Variants in FUT8 observed in about 807,000 individuals in gnomAD.
The protein encoded by FUT8 is fucosyltransferase 8.
A neutral mutation model predicts 71.3 loss-of-function variants in FUT8; 29 were observed. The ratio of observed to expected loss-of-function variants is 0.41; its 90% confidence interval spans 0.30 to 0.55. The LOEUF (loss-of-function observed/expected upper bound fraction) is 0.55, where lower values mean the gene tolerates loss of function less well. Ranked by LOEUF, FUT8 falls within the 20% of genes least tolerant of loss-of-function variation. The pLI is 0.34. For missense variants in FUT8, 544 were observed against 702.1 expected, an observed-to-expected ratio of 0.77 and a Z score of 2.55; for synonymous variants, 254 against 239.3, an observed-to-expected ratio of 1.06 and a Z score of -0.57.
At chr14:65,632,495 C>T (rs1334566775) in intron 6 of FUT8, among the ~76,000 whole-genome samples, 1 of 152,096 alleles carries the variant, frequency 6.6e-6, no homozygotes, top group African/African-American at 2.4e-5. Flanking sequence ...AGCATTTTTT[C>T]ATGTTTGTTG....
At chr14:65,515,471 T>A (rs1005842861) in intron 2 of FUT8, among the ~76,000 whole-genome samples, 4 of 151,960 alleles carry the variant, frequency 2.6e-5, no homozygotes, top group Admixed American at 6.6e-5. Context: ...TTTTTTTTTT[T>A]AATCTTAGGT....
At chr14:65,710,184 G>T (rs1894745621) in intron 7 of FUT8, among the ~76,000 whole-genome samples, 1 of 151,850 alleles carries the variant, frequency 6.6e-6, no homozygotes, top group Admixed American at 6.6e-5. Flanking sequence ...TATATTTATG[G>T]TTAACATCTA....
intron 7 of FUT8, among the ~76,000 whole-genome samples, chr14:65,697,071 G>C (rs1404088113): frequency 6.6e-6 from 1 of 152,106 alleles, no homozygotes; most frequent in African/African-American, 2.4e-5. Flanking sequence ...TGTATCTTCA[G>C]ACTATATTTT....
the FUT8 span, among the ~76,000 whole-genome samples, chr14:65,398,156 CATT>C: frequency 6.6e-6 from 1 of 152,014 alleles, no homozygotes; most frequent in Non-Finnish European, 1.5e-5. Flanking sequence ...GACCTCCAGA[CATT>C]ATATTTATTT....
At chr14:65,602,290 C>T (rs954630138) in intron 3 of FUT8, among the ~76,000 whole-genome samples, 5 of 138,642 alleles carry the variant, frequency 3.6e-5, no homozygotes, top group African/African-American at 1.4e-4. Context: ...ATCTAGGATG[C>T]TGCAAATGCC....
rs1309487255 is a variant in FUT8 at position 65,483,771 on chromosome 14, C to A, written c.-228+28053C>A. 1.3e-5 allele frequency among the ~76,000 whole-genome samples: 2 copies of A among 151,142 alleles called. No homozygotes were observed. The highest frequency in any genetic ancestry group is 6.6e-5 in the Admixed American group (1 of 15,164). On this transcript the variant is annotated intron_variant, in intron 2 of 10. Coordinates refer to ENST00000673929, the MANE Select transcript of FUT8 (RefSeq NM_001371533.1). The surrounding 1 kb of genome is among the most constrained non-coding windows in gnomAD (Gnocchi z 4.4). ...TTGGCCAAGTGTGGTCAGTAACTGT[C>A]ACCCAGGCTGGAGTGTGGTGGCATG...
intron 10 of FUT8, among the ~76,000 whole-genome samples, chr14:65,736,242 C>T (rs1179948821): frequency 6.6e-6 from 1 of 151,942 alleles, no homozygotes; most frequent in African/African-American, 2.4e-5. Flanking sequence ...CCTAGCAATA[C>T]AGTGTTAAAC....
chr14:65,616,150 T>C (rs76077399), intron 4 of FUT8, 57 bp downstream of exon 4: 5 of 1,594,522 alleles, frequency 3.1e-6, no homozygotes, highest in South Asian at 1.1e-5. Context: ...GCACAGATAA[T>C]TGAAAGTTTC....
chr14:65,693,484 C>T (rs956358896), intron 7 of FUT8, among the ~76,000 whole-genome samples: 28 of 152,162 alleles, frequency 1.8e-4, no homozygotes, highest in African/African-American at 5.1e-4. Flanking sequence ...AGCTTCAGCT[C>T]GGCATCACAG....
At chr14:65,377,277 G>C in the FUT8 span, among the ~76,000 whole-genome samples, 4,225 of 152,254 alleles carry the variant, frequency 0.028, 197 homozygotes, top group African/African-American at 0.097. Context: ...GAACTGGAGA[G>C]TTTGGTCACC....
chr14:65,404,581 T>G, the FUT8 span, among the ~76,000 whole-genome samples: 7 of 152,160 alleles, frequency 4.6e-5, no homozygotes, highest in African/African-American at 1.7e-4. Flanking sequence ...GTCAAGCAAT[T>G]CCCCTGCCTC....
intron 3 of FUT8, among the ~76,000 whole-genome samples, chr14:65,584,798 T>C (rs1039871158): frequency 6.6e-6 from 1 of 152,244 alleles, no homozygotes; most frequent in Non-Finnish European, 1.5e-5. Flanking sequence ...CATCTTTCAG[T>C]ACTTAACTCC....
At chr14:65,699,708 T>G (rs1256591826) in intron 7 of FUT8, among the ~76,000 whole-genome samples, 1 of 152,192 alleles carries the variant, frequency 6.6e-6, no homozygotes, top group Non-Finnish European at 1.5e-5. Flanking sequence ...GGCAATTCCA[T>G]TGTATTCTTT....
At chr14:65,582,959 C>T (rs1887171035) in intron 3 of FUT8, among the ~76,000 whole-genome samples, 1 of 152,132 alleles carries the variant, frequency 6.6e-6, no homozygotes, top group South Asian at 2.1e-4. Flanking sequence ...TTACTTAGTC[C>T]AGTACCTCTG....
intron 2 of FUT8, among the ~76,000 whole-genome samples, chr14:65,497,165 C>T (rs1320838040): frequency 6.6e-6 from 1 of 152,068 alleles, no homozygotes; most frequent in Non-Finnish European, 1.5e-5. Context: ...TAATATATGT[C>T]CAGTAACCGG....
intron 6 of FUT8, among the ~76,000 whole-genome samples, chr14:65,658,901 A>C (rs982105761): frequency 6.6e-6 from 1 of 152,098 alleles, no homozygotes. Context: ...AATCTAAAAA[A>C]GTCTGTAGTT....
chr14:65,398,217 G>A, the FUT8 span, among the ~76,000 whole-genome samples: 1 of 152,082 alleles, frequency 6.6e-6, no homozygotes, highest in East Asian at 1.9e-4. Flanking sequence ...CTGGAGTATA[G>A]TGGCACAATC....
upstream of FUT8, among the ~76,000 whole-genome samples, chr14:65,407,232 A>C (rs753826492): frequency 5.3e-5 from 8 of 152,208 alleles, no homozygotes; most frequent in Non-Finnish European, 1.0e-4. Context: ...CCTAAGTTGG[A>C]AACTATGGTC....
At chr14:65,362,192 A>G in the FUT8 span, among the ~76,000 whole-genome samples, 2 of 152,184 alleles carry the variant, frequency 1.3e-5, no homozygotes, top group Non-Finnish European at 2.9e-5. Context: ...TGATTTAGCT[A>G]TGATTGTTCT....
Sources: gnomAD v4.1 joint callset for allele counts (sites outside exome capture counted in the v4.1 genomes callset) on GRCh38, gnomAD v4.1.1 for gene constraint, Gnocchi (gnomAD v3.1) non-coding constraint, MANE v1.5 for transcripts, NCBI Gene and HGNC (gene_info 2026-07-23, HGNC 2026-07-21) for gene names.